The following MCC variants were observed in gnomAD, a reference collection of about 807,000 sequenced individuals.
MCC encodes the protein MCC regulator of Wnt signaling pathway.
A neutral mutation model predicts 116.2 loss-of-function variants in MCC; 90 were observed. The ratio of observed to expected loss-of-function variants is 0.77; its 90% CI spans 0.65 to 0.92. The LOEUF (loss-of-function observed/expected upper bound fraction) is 0.92, where lower values mean the gene tolerates loss of function less well. Among genes scored for constraint, MCC ranks in the 40% least tolerant of loss-of-function variants. MCC has a pLI of 0.00. For missense variants in MCC, 1,516 were observed against 1,312.2 expected, an observed-to-expected ratio of 1.16 and a Z score of -2.40; for synonymous variants, 578 against 510.5, an observed-to-expected ratio of 1.13 and a Z score of -1.78.
intron 1 of MCC, among the ~76,000 whole-genome samples, chr5:113,482,451 T>C (rs1772405243): frequency 1.1e-5 from 1 of 90,588 alleles, no homozygotes; most frequent in South Asian, 4.7e-4. Flanking sequence ...ATAGTCTTCC[T>C]AGTGGGTGTA....
chr5:113,421,571 T>C (rs1770334923), intron 1 of MCC, among the ~76,000 whole-genome samples: 1 of 152,188 alleles, frequency 6.6e-6, no homozygotes, highest in Non-Finnish European at 1.5e-5. Context: ...CTGTTAACTA[T>C]AAAAACTTCA....
chr5:113,201,044 A>G (rs1168187855), intron 3 of MCC, among the ~76,000 whole-genome samples: 1 of 152,170 alleles, frequency 6.6e-6, no homozygotes, highest in Non-Finnish European at 1.5e-5. Context: ...ACACAGGGGG[A>G]AAAAGCCTCG....
intron 1 of MCC, among the ~76,000 whole-genome samples, chr5:113,485,397 T>C (rs1449589781): frequency 6.6e-6 from 1 of 152,192 alleles, no homozygotes; most frequent in Non-Finnish European, 1.5e-5. Context: ...AACCCAGATT[T>C]TGTTTAGGAG....
intron 1 of MCC, among the ~76,000 whole-genome samples, chr5:113,389,169 T>C (rs1769345569): frequency 6.6e-6 from 1 of 152,250 alleles, no homozygotes; most frequent in Non-Finnish European, 1.5e-5. Flanking sequence ...AGCTCTCCTT[T>C]ATATCAAGAG....
chr5:113,084,346 A>G (rs1755056828), intron 9 of MCC, among the ~76,000 whole-genome samples, 156 bp from the exon 10 acceptor site: 1 of 152,248 alleles, frequency 6.6e-6, no homozygotes, highest in Non-Finnish European at 1.5e-5. Context: ...CCACCAGCTT[A>G]AGCCAGGGCC....
rs35866912 is a variant in MCC, at chr5:113,087,770, CT to C, written c.1399-2461del. 3.6e-3 allele frequency among the ~76,000 whole-genome samples: 514 copies of C among 143,176 alleles called. 1 individual carries two copies. Among genetic ancestry groups the C allele is most frequent in the East Asian group, 0.024 (119 of 4,898 alleles). 93.9% of individuals were successfully genotyped at this position (143,176 alleles called of 152,430 possible). A position where few individuals can be genotyped will look rare whatever the true frequency, so the allele number is the denominator to read the frequency against. Reference sequence around the variant, plus strand: ...TTAGAATCCCTACTGGCCTACTCATCTTTTTTTTTTTTTTTATATCTCTATT... The same window carrying C: ...TTAGAATCCCTACTGGCCTACTCATCTTTTTTTTTTTTTTATATCTCTATT... On this transcript the variant is annotated intron_variant, in intron 8 of 18. Coordinates refer to ENST00000408903, the MANE Select transcript of MCC (RefSeq NM_001085377.2).
At chr5:113,097,915 G>C (rs568024895) in intron 8 of MCC, among the ~76,000 whole-genome samples, 5 of 152,210 alleles carry the variant, frequency 3.3e-5, no homozygotes, top group Non-Finnish European at 7.3e-5. Flanking sequence ...CCCAGGATGA[G>C]AGAGGCCCAG....
chr5:113,344,412 G>A (rs1768085948), intron 2 of MCC, among the ~76,000 whole-genome samples: 1 of 152,098 alleles, frequency 6.6e-6, no homozygotes, highest in South Asian at 2.1e-4. Flanking sequence ...CTGGGCTTAG[G>A]TGGACTAGGG....
chr5:113,085,386 T>C (rs1581024143), intron 8 of MCC, 76 bp from the exon 9 acceptor site: 2 of 1,443,192 alleles, frequency 1.4e-6, no homozygotes, highest in African/African-American at 1.4e-5. Context: ...GGGTAGGTGG[T>C]GGGGCTTTCA....
chr5:113,317,080 C>G (rs537318300), intron 3 of MCC, among the ~76,000 whole-genome samples: 10 of 152,232 alleles, frequency 6.6e-5, no homozygotes, highest in Non-Finnish European at 1.2e-4. Flanking sequence ...AAACTGGGGA[C>G]TACCGAAAAG....
intron 3 of MCC, 124 bp from the exon 4 acceptor site, chr5:113,151,546 G>A (rs1315778599): frequency 1.6e-6 from 1 of 623,548 alleles, no homozygotes; most frequent in African/African-American, 1.9e-5. Context: ...TTTTGAGAAT[G>A]AAGGTAAGTG....
chr5:113,343,813 T>C (rs1334864493), intron 2 of MCC, among the ~76,000 whole-genome samples: 1 of 152,244 alleles, frequency 6.6e-6, no homozygotes, highest in African/African-American at 2.4e-5. Context: ...TTTTTCTTTA[T>C]GCAAACATGA....
intron 8 of MCC, among the ~76,000 whole-genome samples, chr5:113,099,263 C>T (rs1040508922): frequency 3.3e-5 from 5 of 152,156 alleles, no homozygotes; most frequent in Non-Finnish European, 5.9e-5. Flanking sequence ...CAAAACTATA[C>T]TAGTTGCACA....
At chr5:113,338,075 C>T (rs575910078) in intron 3 of MCC, among the ~76,000 whole-genome samples, 143 of 152,298 alleles carry the variant, frequency 9.4e-4, no homozygotes, top group Non-Finnish European at 1.4e-3. Context: ...TGTACTCTAC[C>T]ACAGGGTCCA....
chr5:113,272,244 C>T (rs919166668), intron 3 of MCC, among the ~76,000 whole-genome samples: 2 of 152,176 alleles, frequency 1.3e-5, no homozygotes, highest in African/African-American at 2.4e-5. Flanking sequence ...GTCAGGCACA[C>T]AGGAAGCACT....
rs556148766 is a variant in MCC, at chr5:113,089,643, C to A, written c.1399-4333G>T. Among the ~76,000 whole-genome samples the A allele has an allele frequency of 1.5e-4, 23 of 152,316 alleles. No individual in the cohort carries two copies. In the South Asian group the frequency reaches 4.6e-3, roughly 30 times the overall value. The stretch of plus-strand genomic sequence containing the variant: ...TCTGCTATGGTAGCCTGGTGCCACA[C>A]GTGGCTGTAAGCACTTGCAATGTGC... On this transcript the variant is annotated intron_variant, in intron 8 of 18. Coordinates refer to ENST00000408903, the MANE Select transcript of MCC (RefSeq NM_001085377.2).
rs1022992224 is a variant in MCC at position 113,026,707 on chromosome 5, C to G, written c.*595G>C. 2.0e-5 allele frequency: 3 copies of G among 152,494 alleles called. No homozygotes were observed. Among genetic ancestry groups the G allele is most frequent in the African/African-American group, 7.2e-5 (3 of 41,456 alleles). The allele number at this position is 152,494 out of a possible 1,614,324, so 9.4% of individuals were successfully genotyped here. On this transcript the variant is annotated 3_prime_UTR_variant, in exon 19 of 19. Transcript: ENST00000408903. ...AGTGTATCTGGGACTGTAAGTAACACCTGTCTACGCTCTTCCCATGACCTA... is the reference window on the plus strand; with the variant it reads ...AGTGTATCTGGGACTGTAAGTAACAGCTGTCTACGCTCTTCCCATGACCTA...
At chr5:113,286,635 C>T (rs1766273887) in intron 3 of MCC, among the ~76,000 whole-genome samples, 1 of 152,310 alleles carries the variant, frequency 6.6e-6, no homozygotes, top group South Asian at 2.1e-4. Flanking sequence ...ACAAATTTCC[C>T]AGTTCAATGG....
At chr5:113,425,949 T>C (rs769773051) in intron 1 of MCC, among the ~76,000 whole-genome samples, 3 of 151,930 alleles carry the variant, frequency 2.0e-5, no homozygotes, top group Non-Finnish European at 4.4e-5. Flanking sequence ...CAATAAGACA[T>C]CATCAAGTGA....
Sources: gnomAD v4.1 joint callset for allele counts (sites outside exome capture counted in the v4.1 genomes callset) on GRCh38, gnomAD v4.1.1 for gene constraint, MANE v1.5 for transcripts, NCBI Gene and HGNC (gene_info 2026-07-23, HGNC 2026-07-21) for gene names.